The following PDGFC variants were observed in gnomAD, a reference collection of about 807,000 sequenced individuals.
The protein encoded by PDGFC is platelet-derived growth factor C.
Under a neutral mutation model 35.5 loss-of-function variants are expected in PDGFC, and 12 were observed. The observed-to-expected ratio is 0.34, with a 90% confidence interval of 0.22 to 0.55. PDGFC has a LOEUF of 0.55. PDGFC is among the 20% of genes least tolerant of loss of function. The pLI is 0.91. For synonymous variants in PDGFC, 159 were observed against 148.8 expected (o/e 1.07, Z -0.50); for missense variants, 322 against 412.4 (o/e 0.78, Z 1.90).
intron 1 of PDGFC, among the ~76,000 whole-genome samples, chr4:156,956,250 G>A (rs538767624): frequency 6.6e-6 from 1 of 152,100 alleles, no homozygotes; most frequent in Non-Finnish European, 1.5e-5. Flanking sequence ...TGTAATTTTT[G>A]TATTAGAAGA....
At chr4:156,844,461 C>T (rs1012874889) in intron 2 of PDGFC, among the ~76,000 whole-genome samples, 1 of 152,000 alleles carries the variant, frequency 6.6e-6, no homozygotes, top group African/African-American at 2.4e-5. Flanking sequence ...TCCATACAAA[C>T]AATCCACGTA....
intron 1 of PDGFC, among the ~76,000 whole-genome samples, chr4:156,865,417 T>C (rs1322876589): frequency 1.3e-5 from 2 of 152,152 alleles, no homozygotes; most frequent in Non-Finnish European, 2.9e-5. Flanking sequence ...AAAAAGCTTT[T>C]TATCAGAAAA....
chr4:156,849,173 G>C (rs10025161), intron 2 of PDGFC, among the ~76,000 whole-genome samples: 8,852 of 152,066 alleles, frequency 0.058, 866 homozygotes, highest in African/African-American at 0.2. Context: ...ACGAGATCTA[G>C]GGCATCTGCT....
At chr4:156,860,425 C>A (rs1407801230) in intron 1 of PDGFC, among the ~76,000 whole-genome samples, 1 of 152,122 alleles carries the variant, frequency 6.6e-6, no homozygotes, top group Non-Finnish European at 1.5e-5. Context: ...CTTGACAATT[C>A]TTTTCCATGA....
Position 156,970,850 on chromosome 4 carries a change from C to A in PDGFC, c.54G>T (p.Gln18His). 6.2e-7 allele frequency: 1 copy of A among 1,614,064 alleles called. No individual in the cohort carries two copies. The highest frequency in any genetic ancestry group is 8.5e-7 in the Non-Finnish European group (1 of 1,179,964). The change falls in exon 1 of 6, where the codon CAG becomes CAT. Residue 18 changes from glutamine to histidine, a missense_variant. Transcript: ENST00000502773. ...TCAGGTTGGATTCCGCCTGAGTCCC[C>A]TGTCTCTGGCCGGCCAGGGCAGATG... Reference protein sequence around the residue: ...LLTSALAGQRQGTQAESNLSS... With the variant: ...LLTSALAGQRHGTQAESNLSS...
intron 3 of PDGFC, among the ~76,000 whole-genome samples, chr4:156,787,626 A>G (rs1397847912): frequency 6.6e-6 from 1 of 152,112 alleles, no homozygotes; most frequent in East Asian, 1.9e-4. Context: ...TGCTGAGGGT[A>G]ATGAACCAAT....
intron 1 of PDGFC, among the ~76,000 whole-genome samples, chr4:156,898,628 T>C (rs548396295): frequency 7.0e-6 from 1 of 142,312 alleles, no homozygotes; most frequent in Non-Finnish European, 1.5e-5. Context: ...CTCAGGATAA[T>C]AGAAGCTTCC....
At chr4:156,887,800 G>A (rs903279643) in intron 1 of PDGFC, among the ~76,000 whole-genome samples, 2 of 151,948 alleles carry the variant, frequency 1.3e-5, no homozygotes, top group Non-Finnish European at 2.9e-5. Context: ...GAACACTTGA[G>A]CTCAAGAGTG....
chr4:156,871,400 GAGATTTT>G (rs1234958055), intron 1 of PDGFC, among the ~76,000 whole-genome samples: 2 of 152,060 alleles, frequency 1.3e-5, no homozygotes, highest in African/African-American at 4.8e-5. Flanking sequence ...GCATTATTCT[GAGATTTT>G]GATTTCCAAA....
chr4:156,773,038 C>CA lies in PDGFC; in HGVS notation c.496-146dup, dbSNP rs1730730795. 6.6e-6 allele frequency: 4 copies of CA among 604,800 alleles called. No homozygotes were observed. The Admixed American group carries it at 8.7e-5, about 13-fold the overall frequency. 37.5% of individuals were successfully genotyped at this position (604,800 alleles called of 1,614,324 possible). ...AATCCAATTAGAAATAACTACTCTG[C>CA]AAAGACTTCATGAAGATGAACTCTG... On this transcript the variant is annotated intron_variant, in intron 3 of 5. Transcript: ENST00000502773.
At chr4:156,832,392 G>A (rs1211705740) in intron 2 of PDGFC, among the ~76,000 whole-genome samples, 1 of 151,822 alleles carries the variant, frequency 6.6e-6, no homozygotes, top group Non-Finnish European at 1.5e-5. Context: ...GAGTAGCTGG[G>A]ATTACAGGCA....
At chr4:156,768,025 T>A in intron 4 of PDGFC, 35 bp from the exon 5 acceptor site, 1 of 1,247,248 alleles carries the variant, frequency 8.0e-7, no homozygotes, top group Non-Finnish European at 1.2e-6. Flanking sequence ...GAAAAATAGA[T>A]GTTGATGCTT....
At position 156,762,759 on chromosome 4, in the gene PDGFC, A is replaced by C; in HGVS notation, c.*331T>G. On this transcript the variant is annotated 3_prime_UTR_variant, in exon 6 of 6. Transcript: ENST00000502773. The stretch of plus-strand genomic sequence containing the variant: ...CTGTACTGACATTACCCTAAGCCGT[A>C]TCGAAAGAACTGAAATACAGAACCC... The C allele has an allele frequency of 5.2e-6, 1 of 193,456 alleles. No individual in the cohort carries two copies. The highest frequency in any genetic ancestry group is 1.1e-5 in the Non-Finnish European group (1 of 93,642). 12.0% of individuals were successfully genotyped at this position (193,456 alleles called of 1,614,324 possible).
intron 1 of PDGFC, among the ~76,000 whole-genome samples, chr4:156,868,251 C>G (rs1413152636): frequency 6.6e-6 from 1 of 152,110 alleles, no homozygotes; most frequent in Non-Finnish European, 1.5e-5. Flanking sequence ...TACCTGTCAC[C>G]AAAAATAAAG....
At chr4:156,872,519 A>G (rs778745455) in intron 1 of PDGFC, among the ~76,000 whole-genome samples, 1 of 152,206 alleles carries the variant, frequency 6.6e-6, no homozygotes, top group Admixed American at 6.5e-5. Context: ...CTCTCATCCC[A>G]TCTGAATGCC....
intron 1 of PDGFC, among the ~76,000 whole-genome samples, chr4:156,936,465 TACA>T (rs1442234996): frequency 3.9e-5 from 6 of 152,284 alleles, no homozygotes; most frequent in Admixed American, 1.3e-4. Flanking sequence ...TCTTAAAAAA[TACA>T]ACAACAACAG....
At chr4:156,824,143 G>C (rs1732354002) in intron 2 of PDGFC, among the ~76,000 whole-genome samples, 1 of 151,606 alleles carries the variant, frequency 6.6e-6, no homozygotes, top group South Asian at 2.1e-4. Flanking sequence ...TAGACTGTAG[G>C]AATAAGTTTT....
At chr4:156,805,105 G>A (rs7689847) in intron 3 of PDGFC, among the ~76,000 whole-genome samples, 1 of 151,946 alleles carries the variant, frequency 6.6e-6, no homozygotes, top group Non-Finnish European at 1.5e-5. Context: ...ATATGAAAGA[G>A]AGCATTGTGC....
chr4:156,886,532 C>T (rs1219271319), intron 1 of PDGFC: 1 of 152,228 alleles, frequency 6.6e-6, no homozygotes, highest in African/African-American at 2.4e-5. Flanking sequence ...ACTCAGCATA[C>T]TCTTTAAGCA....
Sources: gnomAD v4.1 joint callset for allele counts (sites outside exome capture counted in the v4.1 genomes callset) on GRCh38, gnomAD v4.1.1 for gene constraint, MANE v1.5 for transcripts, NCBI Gene and HGNC (gene_info 2026-07-23, HGNC 2026-07-21) for gene names.